EIF2B5: variants seen among roughly 807,000 people sequenced by gnomAD.
EIF2B5 encodes eukaryotic translation initiation factor 2B subunit epsilon.
Under a neutral mutation model 87.3 loss-of-function variants are expected in EIF2B5, and 38 were observed. That is an observed-to-expected ratio of 0.44 (90% CI 0.34 to 0.57). EIF2B5 has a LOEUF of 0.57. Among genes scored for constraint, EIF2B5 ranks in the 20% least tolerant of loss-of-function variants. EIF2B5 has a pLI of 0.02. For synonymous variants in EIF2B5, 313 were observed against 339.6 expected, an observed-to-expected ratio of 0.92 and a Z score of 0.86; for missense variants, 784 against 909.5, an observed-to-expected ratio of 0.86 and a Z score of 1.78.
At position 184,144,081 on chromosome 3, in the gene EIF2B5, C is replaced by T; in HGVS notation, c.1870-18C>T. ...GAATGCTTAGGAATATACTGCAGCT[C>T]CCTTCTTTCTTCCATAGCTGCTAAA... On this transcript the variant is annotated intron_variant, in intron 13 of 15. Transcript: ENST00000648915. 6.2e-7 allele frequency: 1 copy of T among 1,614,194 alleles called. No individual in the cohort carries two copies. Among genetic ancestry groups the T allele is most frequent in the Non-Finnish European group, 8.5e-7 (1 of 1,180,036 alleles).
intron 7 of EIF2B5, 124 bp downstream of exon 7, chr3:184,140,854 G>A (rs373443865): frequency 3.6e-5 from 40 of 1,122,354 alleles, no homozygotes; most frequent in South Asian, 4.0e-5. Context: ...ACTATAGAGC[G>A]GCTACCTCAG....
At chr3:184,135,856 G>A (rs1465861758) in intron 1 of EIF2B5, 5 of 548,622 alleles carry the variant, frequency 9.1e-6, no homozygotes, top group African/African-American at 1.9e-5. Context: ...CTTCACGCGG[G>A]GATTCAGTGC....
intron 5 of EIF2B5, chr3:184,138,977 A>G (rs564466027): frequency 1.7e-5 from 4 of 239,018 alleles, no homozygotes; most frequent in Admixed American, 1.2e-4. Flanking sequence ...TGTTGTTGTT[A>G]TTGTTGTTTT....
chr3:184,137,988 C>T lies in EIF2B5; in HGVS notation c.597C>T (p.Asp199=), dbSNP rs142942382. 5 of 1,614,094 alleles carry T rather than the reference C, an allele frequency of 3.1e-6. No homozygotes were observed. In the African/African-American group the frequency reaches 6.7e-5, roughly 22 times the overall value. ...GCCACCCAACTCGTTGCCACGAAGA[C>T]AATGTGGTAGTGGCTGTGGATAGTA... ...SPSHPTRCHE[D]NVVVAVDSTT... The change falls in exon 4 of 16, where the codon GAC becomes GAT. Residue 199 remains aspartate (D), a synonymous_variant. Coordinates refer to ENST00000648915, the MANE Select transcript of EIF2B5 (RefSeq NM_003907.3).
chr3:184,142,426 T>C lies in EIF2B5; in HGVS notation c.1444+48T>C, dbSNP rs1204978777. ...GGCATCTGTGTGTCTCGCTGCCTCA[T>C]AGAAGAACCAGTGTTTCCTCCTGGA... is the stretch of plus-strand genomic sequence containing the variant. On this transcript the variant is annotated intron_variant, in intron 9 of 15. Coordinates refer to ENST00000648915, the MANE Select transcript of EIF2B5 (RefSeq NM_003907.3). This position sits in a 1 kb window ranked among gnomAD's most constrained non-coding sequence, Gnocchi z 5.0. 3 of 1,614,192 alleles carry C rather than the reference T, an allele frequency of 1.9e-6. No individual in the cohort carries two copies. Among genetic ancestry groups the C allele is most frequent in the Non-Finnish European group, 2.5e-6 (3 of 1,180,030 alleles).
chr3:184,143,592 A>G (rs754744255), intron 13 of EIF2B5, 27 bp downstream of exon 13: 13 of 1,613,988 alleles, frequency 8.1e-6, no homozygotes, highest in African/African-American at 1.3e-5. Context: ...GCTGAGTACA[A>G]GGGATTGGGT....
rs1265993441 is a variant in EIF2B5, at chr3:184,137,803, C to T, written c.504C>T (p.His168=). ...NINITRALEE[H]RLRRKLEKNV... ...ATATCACCAGAGCCCTTGAGGAACA[C>T]AGGTCAGGATGGGAAAATGACAGGA... The change falls in exon 3 of 16, where the codon CAC becomes CAT. Residue 168 remains histidine, a splice_region_variant and synonymous_variant. Coordinates refer to ENST00000648915, the MANE Select transcript of EIF2B5 (RefSeq NM_003907.3). 6.2e-7 allele frequency: 1 copy of T among 1,614,102 alleles called. No individual in the cohort carries two copies. The highest frequency in any genetic ancestry group is 8.5e-7 in the Non-Finnish European group (1 of 1,180,058).
intron 7 of EIF2B5, 62 bp downstream of exon 7, chr3:184,140,792 C>T: frequency 6.3e-7 from 1 of 1,575,216 alleles, no homozygotes; most frequent in South Asian, 1.1e-5. Context: ...GGGGCCACGT[C>T]TCCAGAAACA....
At chr3:184,139,224 G>A (rs534666444) in intron 5 of EIF2B5, among the ~76,000 whole-genome samples, 8 of 147,994 alleles carry the variant, frequency 5.4e-5, no homozygotes, top group African/African-American at 1.7e-4. Context: ...TCCCGCCTTG[G>A]CCTCCCAAAG....
chr3:184,139,565 G>T (rs1399683650), intron 5 of EIF2B5, among the ~76,000 whole-genome samples: 1 of 150,124 alleles, frequency 6.7e-6, no homozygotes, highest in East Asian at 2.0e-4. Context: ...ACGGGCATGA[G>T]CCACTGCACC....
chr3:184,138,118 G>A (rs780769283), intron 4 of EIF2B5, 43 bp downstream of exon 4: 1 of 1,614,142 alleles, frequency 6.2e-7, no homozygotes, highest in Non-Finnish European at 8.5e-7. Flanking sequence ...GAAGTGACAG[G>A]CTTCAGTGGG....
At chr3:184,140,234 C>CT (rs755766436) in intron 6 of EIF2B5, 77 bp downstream of exon 6, 73 of 1,509,864 alleles carry the variant, frequency 4.8e-5, no homozygotes, top group Admixed American at 2.9e-4. Flanking sequence ...AACTTTTGAT[C>CT]TTTTTTGTAT....
At chr3:184,139,757 CT>C (rs1006764821) in intron 5 of EIF2B5, among the ~76,000 whole-genome samples, 3 of 151,360 alleles carry the variant, frequency 2.0e-5, no homozygotes, top group Admixed American at 1.3e-4. Flanking sequence ...GTGGCTCACG[CT>C]TGTAATCCCA....
Position 184,143,097 on chromosome 3 carries a change from A to G in EIF2B5, c.1700A>G (p.Glu567Gly). 6.2e-7 allele frequency: 1 copy of G among 1,614,006 alleles called. No homozygotes were observed. The highest frequency in any genetic ancestry group is 1.3e-5 in the African/African-American group (1 of 75,042). ...VLGTLQRGKE[E>G]NISCDNLVLE... is the part of the protein sequence containing the mutation. ...GGAACACTACAGCGGGGCAAAGAGG[A>G]GAACATTTCTTGTGACAATCTCGTC... The change falls in exon 12 of 16, where the codon GAG (glutamate) becomes GGG (glycine). Residue 567 changes from glutamate (E) to glycine (G), a missense_variant. By Grantham distance (98) the Glu-to-Gly change is moderately conservative. This residue lies in a region of EIF2B5 where 660 missense variants were observed against 789.5 expected (regional missense o/e 0.84). Transcript: ENST00000648915.
chr3:184,139,930 C>G lies in EIF2B5; in HGVS notation c.766-150C>G, dbSNP rs926996345. 2.7e-5 allele frequency: 16 copies of G among 583,620 alleles called. No individual in the cohort carries two copies. In the African/African-American group the frequency reaches 3.1e-4, roughly 11 times the overall value. 36.2% of individuals were successfully genotyped at this position (583,620 alleles called of 1,614,324 possible). On this transcript the variant is annotated intron_variant, in intron 5 of 15. Transcript: ENST00000648915. ...CCCAGCTACTTGGGAGGCTGAGGCACAAGAATCACTTTAACCCAGGAGGTG... is the reference window on the plus strand; with the variant it reads ...CCCAGCTACTTGGGAGGCTGAGGCAGAAGAATCACTTTAACCCAGGAGGTG...
intron 5 of EIF2B5, among the ~76,000 whole-genome samples, chr3:184,139,571 G>T: frequency 6.7e-6 from 1 of 150,190 alleles, no homozygotes. Context: ...ATGAGCCACT[G>T]CACCTGGCCT....
intron 12 of EIF2B5, 66 bp from the exon 13 acceptor site, chr3:184,143,376 A>G (rs1713728474): frequency 3.7e-6 from 6 of 1,613,292 alleles, no homozygotes; most frequent in African/African-American, 1.3e-5. Flanking sequence ...ATGTCTATCA[A>G]AGTCATAGTT....
Position 184,137,966 on chromosome 3 carries a change from A to T in EIF2B5, c.575A>T (p.His192Leu). 4 of 1,614,180 alleles carry T rather than the reference A, an allele frequency of 2.5e-6. No homozygotes were observed. Among genetic ancestry groups the T allele is most frequent in the Non-Finnish European group, 3.4e-6 (4 of 1,180,036 alleles). Residue 192 changes from histidine (H) to leucine (L), a missense_variant, in exon 4 of 16, where the codon CAC becomes CTC. His to Leu is a moderately conservative substitution (Grantham distance 99). Transcript: ENST00000648915. ...TMIFKESSPS[H>L]PTRCHEDNVV... is the part of the protein sequence containing the mutation. The stretch of plus-strand genomic sequence containing the variant: ...ATCTTCAAGGAGTCATCCCCCAGCC[A>T]CCCAACTCGTTGCCACGAAGACAAT...
chr3:184,138,213 A>C lies in EIF2B5; in HGVS notation c.732A>C (p.Leu244Phe). 7.4e-6 allele frequency: 12 copies of C among 1,614,006 alleles called. No homozygotes were observed. The highest frequency in any genetic ancestry group is 1.0e-5 in the Non-Finnish European group (12 of 1,180,028). Residue 244 changes from leucine (L) to phenylalanine (F), a missense_variant, in exon 5 of 16, where the codon TTA becomes TTC. Physicochemically the swap from Leu to Phe is conservative, Grantham distance 22 (BLOSUM62 0). Coordinates refer to ENST00000648915, the MANE Select transcript of EIF2B5 (RefSeq NM_003907.3). ...ATGGAGTGGAGGTTCGATATGATTT[A>C]CTGGATTGTCATATCAGCATCTGTT... ...SSDGVEVRYD[L>F]LDCHISICSP...
Sources: gnomAD v4.1 joint callset for allele counts (sites outside exome capture counted in the v4.1 genomes callset) on GRCh38, gnomAD v4.1.1 for gene constraint, gnomAD v4.1.1 regional missense constraint, Gnocchi (gnomAD v3.1) non-coding constraint, MANE v1.5 for transcripts, NCBI Gene and HGNC (gene_info 2026-07-23, HGNC 2026-07-21) for gene names.